PDXK: variants seen among roughly 807,000 people sequenced by gnomAD.
PDXK encodes the protein epididymis secretory sperm binding protein Li 1a.
In PDXK, 15 loss-of-function variants were observed where a neutral mutation model predicts 43.2. The ratio of observed to expected loss-of-function variants is 0.35; its 90% CI spans 0.23 to 0.53. The LOEUF (loss-of-function observed/expected upper bound fraction) is 0.53. Among genes scored for constraint, PDXK ranks in the 20% least tolerant of loss-of-function variants. The probability of loss-of-function intolerance (pLI) is 0.92; values close to 1 mark genes in which losing one functional copy is unlikely to be tolerated. For missense variants in PDXK, 343 were observed against 417.0 expected (o/e 0.82, Z 1.54); for synonymous variants, 172 against 165.4 (o/e 1.04, Z -0.31).
rs556250550 is a variant in PDXK at position 43,742,713 on chromosome 21, C to CA, written c.247+949dup. 5.7e-4 allele frequency among the ~76,000 whole-genome samples: 86 copies of CA among 151,984 alleles called. 1 individual carries two copies. Among genetic ancestry groups the CA allele is most frequent in the African/African-American group, 1.8e-3 (76 of 41,452 alleles). ...GCGGCATAGTGAGACCTTGTCTCTA[C>CA]AAAAAAATTTTTAAAAATTAATTAG... is the stretch of plus-strand genomic sequence containing the variant. On this transcript the variant is annotated intron_variant, in intron 3 of 10. Transcript: ENST00000291565.
In PDXK at chr21:43,757,052, C is replaced by T. The variant is rs1436579136; in HGVS notation, c.*989C>T. ...TGTCCCCTGACCTCAGTTCTGTGCC[C>T]CACCAAATGCCCAGGGGCAAGAGGC... is the stretch of plus-strand genomic sequence containing the variant. On this transcript the variant is annotated 3_prime_UTR_variant, in exon 11 of 11. Transcript: ENST00000291565. 6.6e-6 allele frequency: 1 copy of T among 152,380 alleles called. No individual in the cohort carries two copies. The highest frequency in any genetic ancestry group is 1.5e-5 in the Non-Finnish European group (1 of 68,136). 9.4% of individuals were successfully genotyped at this position (152,380 alleles called of 1,614,324 possible).
intron 7 of PDXK, among the ~76,000 whole-genome samples, chr21:43,750,909 C>T (rs968932898): frequency 2.7e-5 from 4 of 149,922 alleles, no homozygotes; most frequent in Non-Finnish European, 4.4e-5. Flanking sequence ...TGGGTGTGCA[C>T]GCATGTGTGC....
intron 1 of PDXK, among the ~76,000 whole-genome samples, chr21:43,728,170 C>A (rs915526227): frequency 2.0e-5 from 3 of 152,054 alleles, no homozygotes; most frequent in African/African-American, 7.2e-5. Context: ...CTGGGGGGCT[C>A]GGGGCCATTT....
intron 1 of PDXK, chr21:43,733,609 G>A (rs2083355757): frequency 9.7e-7 from 1 of 1,029,346 alleles, no homozygotes; most frequent in Non-Finnish European, 1.2e-6. Context: ...GCTGCCCGCG[G>A]AGCCCTTGGC....
Position 43,759,435 on chromosome 21 carries a change from A to G in PDXK, c.*3372A>G, listed in dbSNP as rs1257374868. Reference sequence around the variant, plus strand: ...TTTTCCTTGTCCTTCCTGCCCTCCGATGGGGCCACCTGTGTCGGGGCAGCA... The same window carrying G: ...TTTTCCTTGTCCTTCCTGCCCTCCGGTGGGGCCACCTGTGTCGGGGCAGCA... On this transcript the variant is annotated 3_prime_UTR_variant, in exon 11 of 11. Transcript: ENST00000291565. 1 of 153,920 alleles carries G rather than the reference A, an allele frequency of 6.5e-6. No individual in the cohort carries two copies. The highest frequency in any genetic ancestry group is 1.5e-5 in the Non-Finnish European group (1 of 68,194). The allele number at this position is 153,920 out of a possible 1,614,324, so 9.5% of individuals were successfully genotyped here. A position where few individuals can be genotyped will look rare whatever the true frequency, so the allele number is the denominator to read the frequency against.
At chr21:43,742,393 G>T (rs1375061557) in intron 3 of PDXK, among the ~76,000 whole-genome samples, 1 of 152,088 alleles carries the variant, frequency 6.6e-6, no homozygotes, top group Non-Finnish European at 1.5e-5. Context: ...TGTTGCCCAG[G>T]CTGGTCTTGA....
intron 3 of PDXK, among the ~76,000 whole-genome samples, chr21:43,741,974 G>A (rs546739010): frequency 1.3e-5 from 2 of 152,158 alleles, no homozygotes; most frequent in South Asian, 2.1e-4. Flanking sequence ...GACAATGACT[G>A]CCCAGGCTGT....
intron 6 of PDXK, among the ~76,000 whole-genome samples, chr21:43,750,178 A>G (rs919293520): frequency 6.6e-6 from 1 of 152,224 alleles, no homozygotes; most frequent in African/African-American, 2.4e-5. Flanking sequence ...TTGACTTTGT[A>G]TGGATGTCAG....
intron 1 of PDXK, among the ~76,000 whole-genome samples, chr21:43,720,159 T>A (rs2083195048): frequency 6.6e-6 from 1 of 152,086 alleles, no homozygotes; most frequent in African/African-American, 2.4e-5. Context: ...CTGGGTGCAG[T>A]GGCGTGGGTG....
chr21:43,742,208 C>G (rs1027272157), intron 3 of PDXK, among the ~76,000 whole-genome samples: 35 of 152,170 alleles, frequency 2.3e-4, no homozygotes, highest in Non-Finnish European at 4.6e-4. Flanking sequence ...GAGACAGGGT[C>G]TCACTCTGTG....
rs111769791 is a variant in PDXK at position 43,737,236 on chromosome 21, G to A, written c.142+3113G>A. On this transcript the variant is annotated intron_variant, in intron 2 of 10. Transcript: ENST00000291565. This position sits in a 1 kb window ranked among gnomAD's most constrained non-coding sequence, Gnocchi z 4.8. ...TCCCTGACGCCCTTCAGGCTGGGGG[G>A]TGGGAAAGCCGATCCCCCAAGTGCC... is the stretch of plus-strand genomic sequence containing the variant. 9.7e-5 allele frequency: 138 copies of A among 1,428,410 alleles called. 1 individual carries two copies. The African/African-American group carries it at 1.7e-3, about 18-fold the overall frequency. The allele number at this position is 1,428,410 out of a possible 1,614,324, so 88.5% of individuals were successfully genotyped here.
rs1187969270 is a variant in PDXK at position 43,723,716 on chromosome 21, G to A, written c.87+4335G>A. ...CACGTCTGAGGCCAGTAGCTGCCCT[G>A]TGGGGAGAGGCAAGCCTGTCCTGTC... On this transcript the variant is annotated intron_variant, in intron 1 of 10. Coordinates refer to ENST00000291565, the MANE Select transcript of PDXK (RefSeq NM_003681.5). This position sits in a 1 kb window ranked among gnomAD's most constrained non-coding sequence, Gnocchi z 4.1. 2 of 152,300 alleles carry A rather than the reference G, an allele frequency of 1.3e-5. No individual in the cohort carries two copies. The highest frequency in any genetic ancestry group is 2.9e-5 in the Non-Finnish European group (2 of 68,088). 9.4% of individuals were successfully genotyped at this position (152,300 alleles called of 1,614,324 possible).
chr21:43,746,865 G>A (rs1249216167), intron 5 of PDXK, among the ~76,000 whole-genome samples: 5 of 152,174 alleles, frequency 3.3e-5, no homozygotes, highest in African/African-American at 7.2e-5. Flanking sequence ...GGGTGCAGTG[G>A]CTCACGCCTG....
At chr21:43,749,524 T>G (rs2083697793) in intron 6 of PDXK, among the ~76,000 whole-genome samples, 1 of 152,272 alleles carries the variant, frequency 6.6e-6, no homozygotes, top group Non-Finnish European at 1.5e-5. Context: ...GAAGTGGTTC[T>G]CAGGAAGGTC....
In PDXK at chr21:43,734,601, C is replaced by G. The variant is rs1201953887; in HGVS notation, c.142+478C>G. ...CGTGCTGGGGGATGTGTAGGTGGTT[C>G]TGGGTTTTCTCTGTTAACAGCAGTG... On this transcript the variant is annotated intron_variant, in intron 2 of 10. Coordinates refer to ENST00000291565, the MANE Select transcript of PDXK (RefSeq NM_003681.5). The surrounding 1 kb of genome is among the most constrained non-coding windows in gnomAD (Gnocchi z 5.0). 6.6e-6 allele frequency among the ~76,000 whole-genome samples: 1 copy of G among 152,068 alleles called. No individual in the cohort carries two copies. The highest frequency in any genetic ancestry group is 1.9e-4 in the East Asian group (1 of 5,190).
chr21:43,729,991 G>A (rs932139397), intron 1 of PDXK, among the ~76,000 whole-genome samples: 3 of 152,064 alleles, frequency 2.0e-5, no homozygotes, highest in African/African-American at 7.2e-5. Flanking sequence ...AACAAAAAAT[G>A]GTAGCACGGC....
chr21:43,744,100 G>T (rs28503618), intron 4 of PDXK, among the ~76,000 whole-genome samples: 1,894 of 152,274 alleles, frequency 0.012, 35 homozygotes, highest in African/African-American at 0.041. Flanking sequence ...CTGGGGCCCA[G>T]GCAGCACTGT....
intron 7 of PDXK, among the ~76,000 whole-genome samples, chr21:43,750,912 A>T (rs1265446634): frequency 1.6e-5 from 1 of 62,824 alleles, no homozygotes; most frequent in Non-Finnish European, 3.4e-5. Context: ...GTGTGCACGC[A>T]TGTGTGCATG....
chr21:43,757,221 C>A lies in PDXK; in HGVS notation c.*1158C>A, dbSNP rs1237388816. 1 of 152,586 alleles carries A rather than the reference C, an allele frequency of 6.6e-6. No individual in the cohort carries two copies. The highest frequency in any genetic ancestry group is 6.5e-5 in the Admixed American group (1 of 15,292). The allele number at this position is 152,586 out of a possible 1,614,324, so 9.5% of individuals were successfully genotyped here. A position where few individuals can be genotyped will look rare whatever the true frequency, so the allele number is the denominator to read the frequency against. The stretch of plus-strand genomic sequence containing the variant: ...CCTATCATCCTCTGCTCAGCAGTGA[C>A]CTCCCTGGCCCCACTTTGCCCAGAG... On this transcript the variant is annotated 3_prime_UTR_variant, in exon 11 of 11. Transcript: ENST00000291565.
Sources: gnomAD v4.1 joint callset for allele counts (sites outside exome capture counted in the v4.1 genomes callset) on GRCh38, gnomAD v4.1.1 for gene constraint, Gnocchi (gnomAD v3.1) non-coding constraint, MANE v1.5 for transcripts, NCBI Gene and HGNC (gene_info 2026-07-23, HGNC 2026-07-21) for gene names.